Variants in ATP9A observed in about 807,000 individuals in gnomAD.
ATP9A encodes ATPase phospholipid transporting 9A, also known as probable phospholipid-transporting ATPase IIA.
ATP9A carries 52 observed loss-of-function variants against 144.1 expected under a neutral mutation model. The ratio of observed to expected loss-of-function variants is 0.36; its 90% CI spans 0.29 to 0.45. ATP9A has a LOEUF of 0.45. ATP9A is among the 20% of genes least tolerant of loss of function. The pLI is 1.00. For missense variants in ATP9A, 947 were observed against 1,392.7 expected, an observed-to-expected ratio of 0.68 and a Z score of 5.09; for synonymous variants, 582 against 557.4, an observed-to-expected ratio of 1.04 and a Z score of -0.62.
chr20:51,608,563 C>T lies in ATP9A; in HGVS notation c.2700G>A (p.Ser900=), dbSNP rs182878114. The change falls in exon 25 of 28, where the codon TCG becomes TCA. Residue 900 remains serine (S), a synonymous_variant. Transcript: ENST00000338821. ...GCTCAGGATACAGCATGGCAACTTC[C>T]GATTTGACATCTTTGTCCAGGACCA... ...FSLVLDKDVK[S]EVAMLYPELY... is the part of the protein sequence containing the mutation. 1,310 of 1,613,552 alleles carry T rather than the reference C, an allele frequency of 8.1e-4. No homozygotes were observed. The highest frequency in any genetic ancestry group is 2.0e-3 in the South Asian group (180 of 91,056).
Position 51,735,105 on chromosome 20 carries a change from T to C in ATP9A, c.69-5127A>G, listed in dbSNP as rs1196701718. ...GCAAACATGAGGACAGAAGGATTGG[T>C]ATGACCTCTGGGCTGCCGTCTGCAT... On this transcript the variant is annotated intron_variant, in intron 1 of 27. Coordinates refer to ENST00000338821, the MANE Select transcript of ATP9A (RefSeq NM_006045.3). 5 of 169,760 alleles carry C rather than the reference T, an allele frequency of 2.9e-5. No homozygotes were observed. The Admixed American group carries it at 3.0e-4, about 10-fold the overall frequency. The allele number at this position is 169,760 out of a possible 1,614,324, so 10.5% of individuals were successfully genotyped here.
intron 17 of ATP9A, among the ~76,000 whole-genome samples, chr20:51,626,210 CG>C (rs1442122973): frequency 2.0e-5 from 3 of 152,136 alleles, no homozygotes; most frequent in African/African-American, 4.8e-5. Flanking sequence ...TTAGGGAGGC[CG>C]GGTGTGGTGG....
intron 4 of ATP9A, among the ~76,000 whole-genome samples, chr20:51,700,396 C>T (rs925219832): frequency 6.6e-6 from 1 of 152,170 alleles, no homozygotes; most frequent in Non-Finnish European, 1.5e-5. Flanking sequence ...GTGATGTGCA[C>T]CTACAGTCCC....
At chr20:51,646,633 C>T (rs1356946237) in intron 14 of ATP9A, among the ~76,000 whole-genome samples, 5 of 152,196 alleles carry the variant, frequency 3.3e-5, no homozygotes, top group Non-Finnish European at 1.5e-5. Flanking sequence ...GCAGCAGCTG[C>T]CCAGCTTGGC....
At chr20:51,602,889 C>T (rs948532197) in intron 27 of ATP9A, among the ~76,000 whole-genome samples, 3 of 152,146 alleles carry the variant, frequency 2.0e-5, no homozygotes, top group African/African-American at 7.2e-5. Context: ...TATACATCTC[C>T]TTTATACGTA....
chr20:51,723,638 C>A (rs2077699442), intron 3 of ATP9A, among the ~76,000 whole-genome samples: 1 of 150,670 alleles, frequency 6.6e-6, no homozygotes, highest in Non-Finnish European at 1.5e-5. Context: ...CTCACTGCCA[C>A]CTCCGCCTCC....
intron 25 of ATP9A, 147 bp from the exon 26 acceptor site, chr20:51,607,731 T>C (rs1324432574): frequency 5.0e-5 from 31 of 621,770 alleles, no homozygotes; most frequent in African/African-American, 2.6e-4. Context: ...TCTGAACACA[T>C]TGGAGGAATT....
intron 1 of ATP9A, among the ~76,000 whole-genome samples, chr20:51,745,122 C>G (rs2077802216): frequency 1.3e-5 from 2 of 152,102 alleles, no homozygotes; most frequent in Admixed American, 6.5e-5. Context: ...ACTAAAAATA[C>G]AAAATTTAGC....
At chr20:51,620,065 T>G (rs181362641) in intron 19 of ATP9A, among the ~76,000 whole-genome samples, 1 of 152,168 alleles carries the variant, frequency 6.6e-6, no homozygotes, top group Non-Finnish European at 1.5e-5. Context: ...TAGTATGCTG[T>G]AGCCCAGGTA....
intron 6 of ATP9A, among the ~76,000 whole-genome samples, chr20:51,695,814 C>T (rs2077568333): frequency 6.6e-6 from 1 of 152,190 alleles, no homozygotes; most frequent in Non-Finnish European, 1.5e-5. Flanking sequence ...GAGCTTAACA[C>T]AGCCGGGAGA....
At chr20:51,669,856 C>T (rs1388367025) in intron 13 of ATP9A, 141 bp downstream of exon 13, 2 of 671,502 alleles carry the variant, frequency 3.0e-6, no homozygotes, top group Non-Finnish European at 5.1e-6. Context: ...AGTTGCTCAA[C>T]TCTGAATATG....
At chr20:51,722,631 AACCACAATGCGAT>A (rs1170412839) in intron 3 of ATP9A, among the ~76,000 whole-genome samples, 1 of 152,260 alleles carries the variant, frequency 6.6e-6, no homozygotes, top group Non-Finnish European at 1.5e-5. Flanking sequence ...TGCAAATCGA[AACCACAATGCGAT>A]ACCACCTTAC....
intron 14 of ATP9A, among the ~76,000 whole-genome samples, chr20:51,651,978 C>T (rs2077368587): frequency 6.6e-6 from 1 of 151,656 alleles, no homozygotes; most frequent in South Asian, 2.1e-4. Context: ...ATGGAAAAGA[C>T]AAGTGAATGA....
At chr20:51,686,373 AAAAG>A (rs2077523044) in intron 9 of ATP9A, among the ~76,000 whole-genome samples, 1 of 151,920 alleles carries the variant, frequency 6.6e-6, no homozygotes, top group Non-Finnish European at 1.5e-5. Flanking sequence ...ATTAAAAAAA[AAAAG>A]AAAATGTAGG....
intron 27 of ATP9A, 77 bp from the exon 28 acceptor site, chr20:51,601,424 A>C: frequency 1.4e-6 from 2 of 1,408,534 alleles, no homozygotes; most frequent in Non-Finnish European, 1.9e-6. Flanking sequence ...AACAGGCGTC[A>C]CAACTATCAA....
chr20:51,605,409 G>A (rs1169809368), intron 26 of ATP9A, among the ~76,000 whole-genome samples: 2 of 152,162 alleles, frequency 1.3e-5, no homozygotes, highest in Admixed American at 6.5e-5. Flanking sequence ...CTTGAGCTCA[G>A]GAGTCTGAGA....
intron 13 of ATP9A, among the ~76,000 whole-genome samples, chr20:51,658,815 C>T (rs536666797): frequency 5.4e-4 from 81 of 149,878 alleles, no homozygotes; most frequent in Admixed American, 8.7e-4. Flanking sequence ...CCACCGTGCC[C>T]GACCCCCACC....
chr20:51,676,917 CTTTTTTTTTTTTTT>C (rs34062000), intron 9 of ATP9A, among the ~76,000 whole-genome samples: 42 of 68,428 alleles, frequency 6.1e-4, no homozygotes, highest in African/African-American at 2.2e-3. Context: ...CGCCCAGTCT[CTTTTTTTTTTTTTT>C]TTTTTTTTTT....
intron 18 of ATP9A, 49 bp from the exon 19 acceptor site, chr20:51,622,221 G>T: frequency 1.3e-6 from 2 of 1,488,424 alleles, no homozygotes; most frequent in Non-Finnish European, 1.9e-6. Context: ...TTTGAGGCCG[G>T]CCTGTCATCT....
Sources: allele counts gnomAD v4.1 joint callset (sites outside exome capture counted in the v4.1 genomes callset), GRCh38; gene constraint gnomAD v4.1.1; transcripts MANE v1.5; gene names NCBI Gene and HGNC (gene_info 2026-07-23, HGNC 2026-07-21).